The following COL23A1 variants were observed in gnomAD, a reference collection of about 807,000 sequenced individuals.
The protein encoded by COL23A1 is collagen alpha-1(XXIII) chain.
COL23A1 carries 97 observed loss-of-function variants against 99.3 expected under a neutral mutation model. The observed-to-expected ratio is 0.98, with a 90% confidence interval of 0.83 to 1.16. COL23A1 has a LOEUF of 1.16. COL23A1 is among the 50% of genes most tolerant of loss of function. COL23A1 has a pLI of 0.00. For missense variants in COL23A1, 762 were observed against 757.4 expected (o/e 1.01, Z -0.07); for synonymous variants, 320 against 308.2 (o/e 1.04, Z -0.40).
At chr5:178,408,753 G>A (rs1468821901) in intron 2 of COL23A1, among the ~76,000 whole-genome samples, 2 of 151,962 alleles carry the variant, frequency 1.3e-5, no homozygotes, top group South Asian at 2.1e-4. Flanking sequence ...TAAGGAGTTC[G>A]AGACCAGCTT....
chr5:178,341,206 C>G (rs1760640681), intron 2 of COL23A1, among the ~76,000 whole-genome samples: 1 of 152,222 alleles, frequency 6.6e-6, no homozygotes, highest in Non-Finnish European at 1.5e-5. Flanking sequence ...CTCACTTCAG[C>G]CTTGAACTTC....
intron 1 of COL23A1, among the ~76,000 whole-genome samples, chr5:178,565,989 G>A (rs929162380): frequency 5.9e-5 from 9 of 151,452 alleles, no homozygotes; most frequent in African/African-American, 1.5e-4. Context: ...TTAGCCGGGC[G>A]TAGTGGCACA....
intron 2 of COL23A1, chr5:178,438,926 C>A (rs1013380925): frequency 1.3e-5 from 2 of 152,188 alleles, no homozygotes; most frequent in African/African-American, 4.8e-5. Context: ...CCTGTCCCAA[C>A]TGCACCAAAA....
At chr5:178,561,378 C>G (rs1307749148) in intron 1 of COL23A1, among the ~76,000 whole-genome samples, 1 of 152,222 alleles carries the variant, frequency 6.6e-6, no homozygotes, top group Middle Eastern at 3.2e-3. Flanking sequence ...ACATGCCCAG[C>G]CCTGTGCCAG....
intron 2 of COL23A1, among the ~76,000 whole-genome samples, chr5:178,437,841 G>A (rs1280124697): frequency 2.6e-5 from 4 of 152,146 alleles, no homozygotes; most frequent in Non-Finnish European, 4.4e-5. Context: ...CTTGTGGGAC[G>A]GGACCCAGGA....
intron 3 of COL23A1, among the ~76,000 whole-genome samples, chr5:178,305,229 C>T (rs1330922229): frequency 2.6e-5 from 4 of 152,086 alleles, no homozygotes; most frequent in Non-Finnish European, 5.9e-5. Flanking sequence ...GAAGTCAAGG[C>T]AGAGAGAGAA....
chr5:178,452,331 C>T (rs146137741), intron 2 of COL23A1, among the ~76,000 whole-genome samples: 12 of 152,228 alleles, frequency 7.9e-5, no homozygotes, highest in African/African-American at 2.9e-4. Context: ...TTCACATTTC[C>T]TACTTTACAC....
intron 2 of COL23A1, among the ~76,000 whole-genome samples, chr5:178,453,793 A>G (rs564316684): frequency 6.6e-6 from 1 of 152,100 alleles, no homozygotes; most frequent in South Asian, 2.1e-4. Flanking sequence ...CAGACGAGGA[A>G]TTCAAACCCA....
chr5:178,266,277 G>A (rs1195418360), intron 8 of COL23A1, among the ~76,000 whole-genome samples: 2 of 152,090 alleles, frequency 1.3e-5, no homozygotes, highest in African/African-American at 2.4e-5. Context: ...CTGACCTCAA[G>A]TGATCCACCT....
At position 178,582,206 on chromosome 5, in the gene COL23A1, C is replaced by CAAAAA. The variant is rs11315118; in HGVS notation, c.294+7693_294+7697dup. 2.7e-3 allele frequency among the ~76,000 whole-genome samples: 85 copies of CAAAAA among 31,612 alleles called. 7 individuals carry two copies. The highest frequency in any genetic ancestry group is 7.1e-3 in the African/African-American group (77 of 10,790). The allele number at this position is 31,612 out of a possible 152,430, so 20.7% of individuals were successfully genotyped here. A position where few individuals can be genotyped will look rare whatever the true frequency, so the allele number is the denominator to read the frequency against. ...TGGGAGACAGGACGAGACTCTATCT[C>CAAAAA]AAAAAAAAAAAAAAAAAAAAAAAAA... On this transcript the variant is annotated intron_variant, in intron 1 of 28. Transcript: ENST00000390654.
intron 5 of COL23A1, among the ~76,000 whole-genome samples, chr5:178,275,630 A>C (rs1341415441): frequency 6.6e-6 from 1 of 152,138 alleles, no homozygotes; most frequent in Non-Finnish European, 1.5e-5. Flanking sequence ...GCTGCCTCAG[A>C]ATCGCGCAGG....
chr5:178,242,631 A>T (rs1764468789), intron 25 of COL23A1, among the ~76,000 whole-genome samples: 1 of 152,224 alleles, frequency 6.6e-6, no homozygotes, highest in South Asian at 2.1e-4. Flanking sequence ...CTGGACACCA[A>T]CACTCAGGCA....
chr5:178,581,721 G>T (rs950856585), intron 1 of COL23A1, among the ~76,000 whole-genome samples: 2 of 152,096 alleles, frequency 1.3e-5, no homozygotes, highest in South Asian at 4.1e-4. Context: ...TAGGGGGAGG[G>T]TGTATGCCAC....
intron 2 of COL23A1, among the ~76,000 whole-genome samples, chr5:178,514,572 G>C (rs1199821665): frequency 3.3e-5 from 5 of 152,184 alleles, no homozygotes; most frequent in Non-Finnish European, 7.3e-5. Flanking sequence ...CACCATACTT[G>C]GTCCACATCC....
At position 178,238,577 on chromosome 5, in the gene COL23A1, G is replaced by T; in HGVS notation, c.*121C>A. On this transcript the variant is annotated 3_prime_UTR_variant, in exon 29 of 29. Transcript: ENST00000390654. The stretch of plus-strand genomic sequence containing the variant: ...TTTGGGGCTGGGTGGGCATACTCTT[G>T]AATGTTAAAAGGCCACAGGTAGCGC... 7.3e-7 allele frequency: 1 copy of T among 1,362,424 alleles called. No homozygotes were observed. Among genetic ancestry groups the T allele is most frequent in the Non-Finnish European group, 1.0e-6 (1 of 962,978 alleles). The allele number at this position is 1,362,424 out of a possible 1,614,324, so 84.4% of individuals were successfully genotyped here. A position where few individuals can be genotyped will look rare whatever the true frequency, so the allele number is the denominator to read the frequency against.
At chr5:178,470,962 C>T (rs1363479194) in intron 2 of COL23A1, among the ~76,000 whole-genome samples, 1 of 152,206 alleles carries the variant, frequency 6.6e-6, no homozygotes, top group Non-Finnish European at 1.5e-5. Flanking sequence ...CTGTGAAGAT[C>T]CAACCAGACC....
In COL23A1 at chr5:178,387,277, C is replaced by T. The variant is rs750610147; in HGVS notation, c.362-80358G>A. Among the ~76,000 whole-genome samples the T allele has an allele frequency of 6.6e-6, 1 of 152,134 alleles. No homozygotes were observed. The highest frequency in any genetic ancestry group is 2.4e-5 in the African/African-American group (1 of 41,426). On this transcript the variant is annotated intron_variant, in intron 2 of 28. Transcript: ENST00000390654. This position sits in a 1 kb window ranked among gnomAD's most constrained non-coding sequence, Gnocchi z 4.7. Reference sequence around the variant, plus strand: ...CTGGTGATCACCCCTTATGCCTGGGCCCAGACTCCCCACTTCTCTTCCTCG... The same window carrying T: ...CTGGTGATCACCCCTTATGCCTGGGTCCAGACTCCCCACTTCTCTTCCTCG...
intron 2 of COL23A1, among the ~76,000 whole-genome samples, chr5:178,446,138 G>T (rs147476052): frequency 6.6e-6 from 1 of 151,796 alleles, no homozygotes; most frequent in Non-Finnish European, 1.5e-5. Context: ...GTACAGGGGC[G>T]TTCTTAAATA....
At position 178,523,325 on chromosome 5, in the gene COL23A1, G is replaced by A. The variant is rs1384919688; in HGVS notation, c.361+37357C>T. ...GCCCGTAATCCTAGCTATTTGGGAG[G>A]CTGAAGCACGAGAATCGCTTGAACC... is the stretch of plus-strand genomic sequence containing the variant. On this transcript the variant is annotated intron_variant, in intron 2 of 28. Coordinates refer to ENST00000390654, the MANE Select transcript of COL23A1 (RefSeq NM_173465.4). Among the ~76,000 whole-genome samples, 37 of 144,194 alleles carry A rather than the reference G, an allele frequency of 2.6e-4. No individual in the cohort carries two copies. In the Admixed American group the frequency reaches 2.6e-3, roughly 10 times the overall value. The allele number at this position is 144,194 out of a possible 152,430, so 94.6% of individuals were successfully genotyped here. A position where few individuals can be genotyped will look rare whatever the true frequency, so the allele number is the denominator to read the frequency against.
Sources: gnomAD v4.1 joint callset for allele counts (sites outside exome capture counted in the v4.1 genomes callset) on GRCh38, gnomAD v4.1.1 for gene constraint, Gnocchi (gnomAD v3.1) non-coding constraint, MANE v1.5 for transcripts, NCBI Gene and HGNC (gene_info 2026-07-23, HGNC 2026-07-21) for gene names.